The following LIFR variants were observed in gnomAD, a reference collection of about 807,000 sequenced individuals.
The protein encoded by LIFR is LIF receptor subunit alpha.
In LIFR, 84 loss-of-function variants were observed where a neutral mutation model predicts 122.2. That is an observed-to-expected ratio of 0.69 (90% CI 0.58 to 0.82). The LOEUF is 0.82. Ranked by LOEUF, LIFR falls within the 40% of genes least tolerant of loss-of-function variation. The pLI is 0.00. For missense variants in LIFR, 1,294 were observed against 1,311.6 expected (o/e 0.99, Z 0.21); for synonymous variants, 422 against 434.7 (o/e 0.97, Z 0.36).
At chr5:38,496,297 C>G in intron 13 of LIFR, 85 bp downstream of exon 13, 1 of 1,087,780 alleles carries the variant, frequency 9.2e-7, no homozygotes, top group Non-Finnish European at 1.4e-6. Context: ...GAGAAGAAGG[C>G]TGACATGACA....
chr5:38,485,842 A>G lies in LIFR; in HGVS notation c.2474T>C (p.Met825Thr). The G allele has an allele frequency of 6.2e-7, 1 of 1,614,086 alleles. No individual in the cohort carries two copies. The highest frequency in any genetic ancestry group is 8.5e-7 in the Non-Finnish European group (1 of 1,179,996). The change falls in exon 17 of 20, where the codon ATG (methionine) becomes ACG (threonine). Residue 825 changes from methionine (M) to threonine (T), a missense_variant. Met to Thr is a moderately conservative substitution (Grantham distance 81). Transcript: ENST00000453190. Reference protein sequence around the residue: ...TDGGVGPEKSMYVVTKENSVG... With the variant: ...TDGGVGPEKSTYVVTKENSVG... ...ACAATTTTCCTTTGTCACCACATACATACTCTTCTCCGGGCCCACTCCACC... is the reference window on the plus strand; with the variant it reads ...ACAATTTTCCTTTGTCACCACATACGTACTCTTCTCCGGGCCCACTCCACC...
At chr5:38,567,496 G>GTATTTATTTATTTATTTATTTATT (rs56285132) in intron 1 of LIFR, among the ~76,000 whole-genome samples, 16 of 132,886 alleles carry the variant, frequency 1.2e-4, no homozygotes, top group East Asian at 2.2e-4. Context: ...TGACCATTCT[G>GTATTTATTTATTTATTTATTTATT]TATTTATTTA....
At position 38,485,715 on chromosome 5, in the gene LIFR, A is replaced by G. The variant is rs543111768; in HGVS notation, c.2497+104T>C. The G allele has an allele frequency of 4.3e-5, 56 of 1,307,264 alleles. No individual in the cohort carries two copies. The African/African-American group carries it at 6.1e-4, about 14-fold the overall frequency. The allele number at this position is 1,307,264 out of a possible 1,614,324, so 81.0% of individuals were successfully genotyped here. On this transcript the variant is annotated intron_variant, in intron 17 of 19. Transcript: ENST00000453190. ...AGCCAAAAACTGCAACAAAATGTGA[A>G]TGTTTTTTAGAAAGGGCGGGGAGGG...
At chr5:38,488,272 G>A (rs1046888520) in intron 16 of LIFR, among the ~76,000 whole-genome samples, 35 of 152,292 alleles carry the variant, frequency 2.3e-4, no homozygotes, top group African/African-American at 7.7e-4. Flanking sequence ...CACACTTTCT[G>A]CAGGTGTTCT....
At chr5:38,524,108 A>G (rs1417835499) in intron 4 of LIFR, among the ~76,000 whole-genome samples, 1 of 152,198 alleles carries the variant, frequency 6.6e-6, no homozygotes, top group Non-Finnish European at 1.5e-5. Flanking sequence ...CCCTAAGAAA[A>G]TAACAAAATA....
rs189410880 is a variant in LIFR at position 38,555,913 on chromosome 5, A to C, written c.-20+421T>G. Among the ~76,000 whole-genome samples the C allele has an allele frequency of 2.2e-4, 34 of 152,332 alleles. No individual in the cohort carries two copies. The East Asian group carries it at 6.6e-3, about 29-fold the overall frequency. On this transcript the variant is annotated intron_variant, in intron 1 of 19. Coordinates refer to ENST00000453190, the MANE Select transcript of LIFR (RefSeq NM_001127671.2). ...GGTTTAACCAGTACACCACCTTCGG[A>C]AGTTAGCACATAAAAATACAGGTAA...
chr5:38,487,849 T>C (rs964491659), intron 16 of LIFR, among the ~76,000 whole-genome samples: 2 of 152,162 alleles, frequency 1.3e-5, no homozygotes, highest in Non-Finnish European at 2.9e-5. Context: ...CCACTCAGCC[T>C]CCAAGGCCTG....
intron 2 of LIFR, among the ~76,000 whole-genome samples, chr5:38,601,189 T>G (rs1216160525): frequency 1.3e-5 from 2 of 152,230 alleles, no homozygotes; most frequent in Admixed American, 1.3e-4. Flanking sequence ...AAGAGAGTCC[T>G]GAGAGAGCTT....
upstream of LIFR, among the ~76,000 whole-genome samples, chr5:38,595,727 CTTTTTTT>C (rs70978897): frequency 0.013 from 1,207 of 92,040 alleles, 85 homozygotes; most frequent in East Asian, 0.27. Flanking sequence ...CACAATAGGT[CTTTTTTT>C]TTTTTTTTTT....
At chr5:38,527,525 CT>C (rs1746759539) in intron 3 of LIFR, among the ~76,000 whole-genome samples, 1 of 152,150 alleles carries the variant, frequency 6.6e-6, no homozygotes, top group Admixed American at 6.6e-5. Context: ...GCATAGATGA[CT>C]CCAAACAGCT....
At chr5:38,587,078 C>T (rs934552204) in intron 1 of LIFR, among the ~76,000 whole-genome samples, 2 of 152,118 alleles carry the variant, frequency 1.3e-5, no homozygotes, top group Non-Finnish European at 2.9e-5. Context: ...ATCCTTCACT[C>T]ATCCATTTGG....
chr5:38,500,516 G>A (rs1338301346), intron 11 of LIFR, among the ~76,000 whole-genome samples: 2 of 152,110 alleles, frequency 1.3e-5, no homozygotes, highest in African/African-American at 4.8e-5. Context: ...ATAATTCTGT[G>A]CATGAAACAA....
In LIFR at chr5:38,528,714, A is replaced by G; in HGVS notation, c.257+12T>C. ...ACCTAGCTCATTGTGAATTAAAGTAAATTAAAATTACCTGTTTTCAATGCA... is the reference window on the plus strand; with the variant it reads ...ACCTAGCTCATTGTGAATTAAAGTAGATTAAAATTACCTGTTTTCAATGCA... On this transcript the variant is annotated intron_variant, in intron 3 of 19. Transcript: ENST00000453190. 1.3e-6 allele frequency: 2 copies of G among 1,488,238 alleles called. No individual in the cohort carries two copies. Among genetic ancestry groups the G allele is most frequent in the Non-Finnish European group, 1.8e-6 (2 of 1,082,692 alleles). The allele number at this position is 1,488,238 out of a possible 1,614,324, so 92.2% of individuals were successfully genotyped here. A position where few individuals can be genotyped will look rare whatever the true frequency, so the allele number is the denominator to read the frequency against.
intron 2 of LIFR, 37 bp from the exon 3 acceptor site, chr5:38,528,877 C>CACAG: frequency 2.5e-6 from 1 of 393,328 alleles, no homozygotes. Context: ...CACACACACA[C>CACAG]AGACACACAT....
intron 1 of LIFR, among the ~76,000 whole-genome samples, chr5:38,573,286 C>T (rs750673931): frequency 4.6e-5 from 7 of 152,222 alleles, no homozygotes; most frequent in Admixed American, 2.0e-4. Context: ...TGACTCTCTG[C>T]TTACTAACTA....
chr5:38,514,494 T>C (rs1279418369), intron 5 of LIFR, among the ~76,000 whole-genome samples: 1 of 152,244 alleles, frequency 6.6e-6, no homozygotes, highest in Non-Finnish European at 1.5e-5. Flanking sequence ...GTAAGCATTT[T>C]ACACTCTGCC....
At chr5:38,495,659 A>G (rs1045276727) in intron 13 of LIFR, among the ~76,000 whole-genome samples, 1 of 152,208 alleles carries the variant, frequency 6.6e-6, no homozygotes, top group African/African-American at 2.4e-5. Flanking sequence ...AGGTGCTCCC[A>G]TATCGGGGCA....
rs57662427 is a variant in LIFR, at chr5:38,575,149, C to T, written c.-20+20112G>A. 5.0e-3 allele frequency among the ~76,000 whole-genome samples: 763 copies of T among 152,280 alleles called. 11 individuals are homozygous for T. Among genetic ancestry groups the T allele is most frequent in the African/African-American group, 0.017 (713 of 41,552 alleles). The stretch of plus-strand genomic sequence containing the variant: ...TAAACTTAACAACACAGATGAATCT[C>T]ACAAATGTGATGTTGGAGGAAATAA... On this transcript the variant is annotated intron_variant, in intron 1 of 19. Transcript: ENST00000263409.
At chr5:38,532,199 G>C (rs1414430422) in intron 1 of LIFR, among the ~76,000 whole-genome samples, 1 of 152,204 alleles carries the variant, frequency 6.6e-6, no homozygotes, top group Non-Finnish European at 1.5e-5. Flanking sequence ...TCTAAAAAGA[G>C]ACACAGGCCC....
Sources: gnomAD v4.1 joint callset for allele counts (sites outside exome capture counted in the v4.1 genomes callset) on GRCh38, gnomAD v4.1.1 for gene constraint, MANE v1.5 for transcripts, NCBI Gene and HGNC (gene_info 2026-07-23, HGNC 2026-07-21) for gene names.